The following SLC7A11 variants were observed in gnomAD, a reference collection of about 807,000 sequenced individuals.
SLC7A11 encodes cystine/glutamate transporter.
SLC7A11 carries 35 observed loss-of-function variants against 54.5 expected under a neutral mutation model. The observed-to-expected ratio is 0.64, with a 90% CI of 0.49 to 0.85. The LOEUF (loss-of-function observed/expected upper bound fraction) is 0.85, where lower values mean the gene tolerates loss of function less well. SLC7A11 is among the 40% of genes least tolerant of loss of function. The pLI is 0.00. For missense variants in SLC7A11, 583 were observed against 618.1 expected, an observed-to-expected ratio of 0.94 and a Z score of 0.60; for synonymous variants, 230 against 225.2, an observed-to-expected ratio of 1.02 and a Z score of -0.19.
intron 5 of SLC7A11, among the ~76,000 whole-genome samples, chr4:138,215,240 T>C (rs1737652858): frequency 6.6e-6 from 1 of 151,874 alleles, no homozygotes. Context: ...TTTTGTGAAA[T>C]AAAAAAAATC....
At chr4:138,192,170 T>G (rs1234076600) in intron 6 of SLC7A11, among the ~76,000 whole-genome samples, 1 of 152,186 alleles carries the variant, frequency 6.6e-6, no homozygotes. Flanking sequence ...AAGTCTGTTT[T>G]CTCTTTCCAA....
intron 6 of SLC7A11, among the ~76,000 whole-genome samples, chr4:138,204,008 C>A (rs1277996529): frequency 6.6e-6 from 1 of 152,092 alleles, no homozygotes; most frequent in East Asian, 1.9e-4. Context: ...AAGAATTCTT[C>A]TATGGCTGTA....
Position 138,185,461 on chromosome 4 carries a change from C to G in SLC7A11, c.792-217G>C, listed in dbSNP as rs1204067555. On this transcript the variant is annotated intron_variant, in intron 6 of 11. Coordinates refer to ENST00000280612, the MANE Select transcript of SLC7A11 (RefSeq NM_014331.4). ...GGGGCAGATACTTCGTCTGTCTTGT[C>G]TATTGCTATACCCCAGAACATATGG... is the stretch of plus-strand genomic sequence containing the variant. Among the ~76,000 whole-genome samples the G allele has an allele frequency of 2.0e-5, 3 of 152,144 alleles. 1 individual carries two copies. The highest frequency in any genetic ancestry group is 2.0e-4 in the Admixed American group (3 of 15,250).
At chr4:138,207,055 T>C (rs923503626) in intron 6 of SLC7A11, among the ~76,000 whole-genome samples, 2 of 146,134 alleles carry the variant, frequency 1.4e-5, no homozygotes, top group South Asian at 2.2e-4. Flanking sequence ...ATTTCAACAA[T>C]TGAAGAAAAG....
intron 11 of SLC7A11, 119 bp from the exon 12 acceptor site, chr4:138,172,136 C>A: frequency 2.0e-6 from 2 of 1,015,436 alleles, no homozygotes; most frequent in Non-Finnish European, 2.7e-6. Flanking sequence ...CTTCATAGAG[C>A]ACTTTCAAGA....
At chr4:138,206,392 T>TAC (rs1737406614) in intron 6 of SLC7A11, among the ~76,000 whole-genome samples, 1 of 150,150 alleles carries the variant, frequency 6.7e-6, no homozygotes, top group Non-Finnish European at 1.5e-5. Flanking sequence ...TATATATATA[T>TAC]ATATATATAG....
At chr4:138,218,169 T>C (rs1391455398) in intron 5 of SLC7A11, among the ~76,000 whole-genome samples, 1 of 152,194 alleles carries the variant, frequency 6.6e-6, no homozygotes, top group Non-Finnish European at 1.5e-5. Flanking sequence ...TTTTGAAATA[T>C]ATCCATATTC....
intron 10 of SLC7A11, 110 bp downstream of exon 10, chr4:138,180,531 T>C (rs1736711196): frequency 2.8e-6 from 3 of 1,061,418 alleles, no homozygotes; most frequent in Non-Finnish European, 2.7e-6. Context: ...ACATTTTTAT[T>C]CCACAGATGC....
intron 11 of SLC7A11, among the ~76,000 whole-genome samples, chr4:138,174,134 G>T (rs1350047017): frequency 6.6e-6 from 1 of 152,060 alleles, no homozygotes; most frequent in South Asian, 2.1e-4. Flanking sequence ...CTCCATGACT[G>T]CCCTCCACAC....
intron 2 of SLC7A11, among the ~76,000 whole-genome samples, chr4:138,236,001 G>A (rs1205719465): frequency 6.6e-6 from 1 of 152,104 alleles, no homozygotes; most frequent in Non-Finnish European, 1.5e-5. Context: ...TTGGTCAAAA[G>A]GTATCCAGGT....
intron 6 of SLC7A11, among the ~76,000 whole-genome samples, chr4:138,195,827 T>G (rs1255435338): frequency 1.3e-5 from 2 of 152,172 alleles, no homozygotes; most frequent in East Asian, 3.9e-4. Flanking sequence ...AAATCTCTAG[T>G]GCAAACATTT....
chr4:138,208,512 G>T (rs1737463176), intron 6 of SLC7A11, among the ~76,000 whole-genome samples: 1 of 144,942 alleles, frequency 6.9e-6, no homozygotes, highest in Non-Finnish European at 1.5e-5. Context: ...TTTGAACAAT[G>T]ACAGATTGCA....
intron 6 of SLC7A11, among the ~76,000 whole-genome samples, chr4:138,191,116 A>G (rs1414478351): frequency 2.0e-5 from 3 of 152,180 alleles, no homozygotes; most frequent in Admixed American, 1.3e-4. Flanking sequence ...AACATTCAAT[A>G]AGCCTATTTA....
At chr4:138,217,796 C>T (rs1231984089) in intron 5 of SLC7A11, among the ~76,000 whole-genome samples, 2 of 152,140 alleles carry the variant, frequency 1.3e-5, no homozygotes, top group Non-Finnish European at 2.9e-5. Context: ...TGGCTTCAGC[C>T]CCAGGGCACA....
Position 138,242,332 on chromosome 4 carries a change from G to GC in SLC7A11, c.-264dup. 2.0e-6 allele frequency: 1 copy of GC among 511,256 alleles called. No homozygotes were observed. Among genetic ancestry groups the GC allele is most frequent in the East Asian group, 3.6e-5 (1 of 27,680 alleles). 31.7% of individuals were successfully genotyped at this position (511,256 alleles called of 1,614,324 possible). A position where few individuals can be genotyped will look rare whatever the true frequency, so the allele number is the denominator to read the frequency against. On this transcript the variant is annotated 5_prime_UTR_variant, in exon 1 of 12. It removes the in-frame stop codon of an upstream open reading frame in the 5' UTR. Coordinates refer to ENST00000280612, the MANE Select transcript of SLC7A11 (RefSeq NM_014331.4). ...CACTGCTGCTGCTGCTGCTGCTGCC[G>GC]CCCTATCATTACAAACCAGCTCAGC...
At chr4:138,179,448 TG>T in intron 10 of SLC7A11, 54 bp from the exon 11 acceptor site, 5 of 1,511,526 alleles carry the variant, frequency 3.3e-6, no homozygotes, top group Non-Finnish European at 3.7e-6. Flanking sequence ...CAACAGAAGC[TG>T]GGTTTGAGAT....
chr4:138,192,592 G>A (rs1244482386), intron 6 of SLC7A11, among the ~76,000 whole-genome samples: 1 of 149,686 alleles, frequency 6.7e-6, no homozygotes, highest in Admixed American at 6.7e-5. Flanking sequence ...AGACTTTTTT[G>A]TAGCTTTTAA....
chr4:138,198,038 G>T (rs1737183084), intron 6 of SLC7A11, among the ~76,000 whole-genome samples: 1 of 150,532 alleles, frequency 6.6e-6, no homozygotes, highest in Non-Finnish European at 1.5e-5. Flanking sequence ...GCTAATACTG[G>T]GATATTGAGA....
chr4:138,230,908 G>A (rs572897512), intron 3 of SLC7A11, among the ~76,000 whole-genome samples: 1 of 152,196 alleles, frequency 6.6e-6, no homozygotes, highest in Non-Finnish European at 1.5e-5. Flanking sequence ...GTGAGGGGCT[G>A]GAAATACAGC....
Sources: gnomAD v4.1 joint callset for allele counts (sites outside exome capture counted in the v4.1 genomes callset) on GRCh38, gnomAD v4.1.1 for gene constraint, MANE v1.5 for transcripts, NCBI Gene and HGNC (gene_info 2026-07-23, HGNC 2026-07-21) for gene names.